PDXDC1: variants seen among roughly 807,000 people sequenced by gnomAD.
PDXDC1 encodes the protein pyridoxal-dependent decarboxylase domain-containing protein 1.
Under a neutral mutation model 100.1 loss-of-function variants are expected in PDXDC1, and 42 were observed. The observed-to-expected ratio is 0.42, with a 90% confidence interval of 0.33 to 0.54. The LOEUF (loss-of-function observed/expected upper bound fraction) is 0.54, where lower values mean the gene tolerates loss of function less well. Among genes scored for constraint, PDXDC1 ranks in the 20% least tolerant of loss-of-function variants. The pLI, the probability that PDXDC1 is intolerant of heterozygous loss-of-function variation, is 0.10. For synonymous variants in PDXDC1, 260 were observed against 371.7 expected (o/e 0.70, Z 3.46); for missense variants, 636 against 979.2 (o/e 0.65, Z 4.68).
intron 21 of PDXDC1, among the ~76,000 whole-genome samples, chr16:15,035,135 G>C (rs1044511228): frequency 6.6e-5 from 10 of 152,172 alleles, no homozygotes; most frequent in African/African-American, 2.2e-4. Context: ...AAGATAATCT[G>C]ATTTCTAATC....
At position 15,033,379 on chromosome 16, in the gene PDXDC1, G is replaced by A; in HGVS notation, c.1792G>A (p.Glu598Lys). 1 of 1,614,196 alleles carries A rather than the reference G, an allele frequency of 6.2e-7. No homozygotes were observed. Among genetic ancestry groups the A allele is most frequent in the Non-Finnish European group, 8.5e-7 (1 of 1,180,024 alleles). Residue 598 changes from glutamate (E) to lysine (K), a missense_variant, in exon 19 of 23, where the codon GAG becomes AAG. Transcript: ENST00000396410. ...LVETIAATAR[E>K]IEENSRLLEN... ...GGAGACCATTGCGGCCACAGCCCGGGAGATAGAGGAGAACTCGAGGGTCCG... is the reference window on the plus strand; with the variant it reads ...GGAGACCATTGCGGCCACAGCCCGGAAGATAGAGGAGAACTCGAGGGTCCG...
chr16:15,009,590 G>A (rs2041084208), intron 7 of PDXDC1, 91 bp from the exon 8 acceptor site: 1 of 1,560,326 alleles, frequency 6.4e-7, no homozygotes. Flanking sequence ...TTACTTTTGA[G>A]AGTTATCTGC....
rs533828022 is a variant in PDXDC1, at chr16:15,030,185, T to G, written c.1399+129T>G. ...TTTTGGAGGGGCATTTTCTTTTCTTTTGGGCTAAATTTAGGTAGATTAGCA... is the reference window on the plus strand; with the variant it reads ...TTTTGGAGGGGCATTTTCTTTTCTTGTGGGCTAAATTTAGGTAGATTAGCA... On this transcript the variant is annotated intron_variant, in intron 16 of 22. Coordinates refer to ENST00000396410, the MANE Select transcript of PDXDC1 (RefSeq NM_015027.4). 19 of 753,722 alleles carry G rather than the reference T, an allele frequency of 2.5e-5. No individual in the cohort carries two copies. The Admixed American group carries it at 4.7e-4, about 19-fold the overall frequency. 46.7% of individuals were successfully genotyped at this position (753,722 alleles called of 1,614,324 possible).
chr16:14,989,008 C>T (rs4985167), intron 1 of PDXDC1: 408,598 of 1,549,084 alleles, frequency 0.26, 21,341 homozygotes, highest in East Asian at 0.5. Context: ...TGGTCTCGCT[C>T]CCTGTGGCTC....
At chr16:15,098,592 T>C (rs899060426) in intron 16 of PDXDC1, among the ~76,000 whole-genome samples, 2 of 152,018 alleles carry the variant, frequency 1.3e-5, no homozygotes, top group Non-Finnish European at 2.9e-5. Context: ...AAGAGTGACC[T>C]TCTTGGCCGG....
chr16:15,077,457 T>C (rs919099233), intron 16 of PDXDC1, among the ~76,000 whole-genome samples: 3 of 152,040 alleles, frequency 2.0e-5, no homozygotes, highest in Admixed American at 1.3e-4. Flanking sequence ...TCTTCCTCAT[T>C]TTCTCTTGCC....
intron 16 of PDXDC1, among the ~76,000 whole-genome samples, chr16:15,043,684 TCA>T (rs1426708392): frequency 6.6e-6 from 1 of 152,194 alleles, no homozygotes; most frequent in Non-Finnish European, 1.5e-5. Flanking sequence ...GTGTGGTGAC[TCA>T]CACCTGTAAT....
intron 1 of PDXDC1, among the ~76,000 whole-genome samples, chr16:14,990,323 T>C (rs567209310): frequency 1.8e-3 from 272 of 152,246 alleles, no homozygotes; most frequent in African/African-American, 5.5e-3. Context: ...TCCTCCTCCT[T>C]CTCCTACAAT....
intron 16 of PDXDC1, among the ~76,000 whole-genome samples, chr16:15,062,605 A>G (rs187908076): frequency 6.6e-6 from 1 of 152,330 alleles, no homozygotes; most frequent in East Asian, 1.9e-4. Flanking sequence ...CCACCCATTC[A>G]TGAAGATCTA....
At chr16:15,044,475 A>C (rs969591822) in intron 16 of PDXDC1, 1 of 1,014,082 alleles carries the variant, frequency 9.9e-7, no homozygotes. Context: ...TCTCACTTTG[A>C]ACTTTCATTC....
In PDXDC1 at chr16:15,073,189, A is replaced by T. The variant is rs371072386; in HGVS notation, c.1399+43133A>T. 1.5e-4 allele frequency: 193 copies of T among 1,262,292 alleles called. No individual in the cohort carries two copies. In the East Asian group the frequency reaches 3.4e-3, roughly 22 times the overall value. 78.2% of individuals were successfully genotyped at this position (1,262,292 alleles called of 1,614,324 possible). On this transcript the variant is annotated intron_variant, in intron 16 of 16. Coordinates refer to the PDXDC1 transcript ENST00000535621. ...ATTAAAAAACAACATTATCCAGCCA[A>T]GCACAGTGGCTCCTGCCTGCAATCC...
At position 15,082,932 on chromosome 16, in the gene PDXDC1, T is replaced by C. The variant is rs1400837013; in HGVS notation, c.1399+52876T>C. On this transcript the variant is annotated intron_variant, in intron 16 of 16. Coordinates refer to the PDXDC1 transcript ENST00000535621. Reference sequence around the variant, plus strand: ...AACTATTATCTTCTAGTAATTCTTGTCCATATGAGCATAAAGCCACTACAG... The same window carrying C: ...AACTATTATCTTCTAGTAATTCTTGCCCATATGAGCATAAAGCCACTACAG... Among the ~76,000 whole-genome samples, 4 of 152,322 alleles carry C rather than the reference T, an allele frequency of 2.6e-5. No homozygotes were observed. In the East Asian group the frequency reaches 7.7e-4, roughly 29 times the overall value.
intron 16 of PDXDC1, among the ~76,000 whole-genome samples, chr16:15,098,594 C>A (rs868561001): frequency 1.3e-5 from 2 of 151,922 alleles, no homozygotes; most frequent in Non-Finnish European, 2.9e-5. Context: ...GAGTGACCTT[C>A]TTGGCCGGGC....
intron 16 of PDXDC1, chr16:15,130,500 T>C (rs1433900852): frequency 2.2e-6 from 3 of 1,368,302 alleles, no homozygotes; most frequent in Non-Finnish European, 3.1e-6. Context: ...CTCCGCCAGG[T>C]TGGATATCGG....
At chr16:15,013,374 A>AT (rs2041502881) in intron 8 of PDXDC1, among the ~76,000 whole-genome samples, 1 of 148,210 alleles carries the variant, frequency 6.7e-6, no homozygotes, top group Non-Finnish European at 1.5e-5. Flanking sequence ...AAAAAAAAAA[A>AT]GGCAAAAAAC....
At chr16:15,130,028 C>A in intron 16 of PDXDC1, 3 of 1,074,748 alleles carry the variant, frequency 2.8e-6, no homozygotes, top group Non-Finnish European at 4.2e-6. Context: ...GGTCACCAGG[C>A]ACACAGCACA....
intron 16 of PDXDC1, among the ~76,000 whole-genome samples, chr16:15,069,391 TCATAAA>T (rs1364831500): frequency 5.3e-5 from 8 of 152,226 alleles, no homozygotes; most frequent in Admixed American, 3.9e-4. Context: ...TAAGAATTAT[TCATAAA>T]CATAAACAGA....
intron 1 of PDXDC1, among the ~76,000 whole-genome samples, chr16:14,994,077 C>T (rs1471927507): frequency 6.6e-6 from 1 of 152,302 alleles, no homozygotes; most frequent in Non-Finnish European, 1.5e-5. Context: ...AATTTTCTCC[C>T]ATTCTGTAGA....
chr16:15,094,969 C>G (rs1238740543), intron 16 of PDXDC1, among the ~76,000 whole-genome samples: 1 of 152,122 alleles, frequency 6.6e-6, no homozygotes, highest in Admixed American at 6.6e-5. Flanking sequence ...TCCCAAGTAG[C>G]TGGGATTACA....
Sources: gnomAD v4.1 joint callset for allele counts (sites outside exome capture counted in the v4.1 genomes callset) on GRCh38, gnomAD v4.1.1 for gene constraint, MANE v1.5 for transcripts, NCBI Gene and HGNC (gene_info 2026-07-23, HGNC 2026-07-21) for gene names.